Variants in CPAMD8 observed in about 807,000 individuals in gnomAD.
CPAMD8 encodes C3 and PZP-like alpha-2-macroglobulin domain-containing protein 8.
CPAMD8 carries 146 observed loss-of-function variants against 224.7 expected under a neutral mutation model. The ratio of observed to expected loss-of-function variants is 0.65; its 90% CI spans 0.57 to 0.75. The LOEUF (loss-of-function observed/expected upper bound fraction) is 0.75, where lower values mean the gene tolerates loss of function less well. Ranked by LOEUF, CPAMD8 falls within the 30% of genes least tolerant of loss-of-function variation. The pLI, the probability that CPAMD8 is intolerant of heterozygous loss-of-function variation, is 0.00. For synonymous variants in CPAMD8, 966 were observed against 1,044.6 expected (o/e 0.92, Z 1.45); for missense variants, 2,301 against 2,537.5 (o/e 0.91, Z 2.00).
chr19:17,002,877 CTT>C (rs2056373351), intron 8 of CPAMD8, among the ~76,000 whole-genome samples: 1 of 150,756 alleles, frequency 6.6e-6, no homozygotes, highest in Non-Finnish European at 1.5e-5. Context: ...GCCTAAGAAT[CTT>C]TTCGTTCTTT....
At chr19:16,941,201 G>C (rs1333524810) in intron 22 of CPAMD8, among the ~76,000 whole-genome samples, 9 of 152,166 alleles carry the variant, frequency 5.9e-5, no homozygotes, top group Non-Finnish European at 1.3e-4. Context: ...CCAAAGTGCT[G>C]GGATTACAGG....
chr19:16,941,844 G>T (rs1332776115), intron 22 of CPAMD8, among the ~76,000 whole-genome samples: 1 of 152,058 alleles, frequency 6.6e-6, no homozygotes, highest in African/African-American at 2.4e-5. Context: ...ATGGTGGCAG[G>T]TGCCTGCAAT....
At position 16,926,954 on chromosome 19, in the gene CPAMD8, C is replaced by T. The variant is rs138834332; in HGVS notation, c.3370+1055G>A. On this transcript the variant is annotated intron_variant, in intron 25 of 41. Transcript: ENST00000443236. ...GCCTGAGTCCCAGGGCCTCCACCCTCTGATGTCAGAGAGAGCCTCGACACC... is the reference window on the plus strand; with the variant it reads ...GCCTGAGTCCCAGGGCCTCCACCCTTTGATGTCAGAGAGAGCCTCGACACC... 2.7e-3 allele frequency among the ~76,000 whole-genome samples: 415 copies of T among 152,262 alleles called. 2 individuals carry two copies. The highest frequency in any genetic ancestry group is 9.7e-3 in the African/African-American group (405 of 41,542).
chr19:17,004,357 C>G lies in CPAMD8; in HGVS notation c.589G>C (p.Asp197His), dbSNP rs199737515. 2.8e-5 allele frequency: 45 copies of G among 1,613,194 alleles called. No homozygotes were observed. Among genetic ancestry groups the G allele is most frequent in the Non-Finnish European group, 4.2e-6 (5 of 1,179,382 alleles). Residue 197 changes from aspartate (D) to histidine (H), a missense_variant, in exon 8 of 42, where the codon GAC becomes CAC. By Grantham distance (81) the Asp-to-His change is moderately conservative. Around this residue, in one of 4 missense-constraint regions of CPAMD8, gnomAD observed 283 missense variants for 340.6 expected, o/e 0.83. Coordinates refer to ENST00000443236, the MANE Select transcript of CPAMD8 (RefSeq NM_015692.5). ...AACCATTCTCCCAACACAGGCTGGT[C>G]GGACAAGGGGAAGCTCATGTTGGTG... The part of the protein sequence containing the change: ...GITNMSFPLS[D>H]QPVLGEWFIF...
At chr19:16,946,170 GTAT>G (rs940702001) in intron 21 of CPAMD8, among the ~76,000 whole-genome samples, 1 of 122,402 alleles carries the variant, frequency 8.2e-6, no homozygotes, top group Non-Finnish European at 1.6e-5. Context: ...ATGTGTGTGT[GTAT>G]GATTTGTGTG....
Position 16,955,389 on chromosome 19 carries a change from G to A in CPAMD8, c.2276+2464C>T, listed in dbSNP as rs185315922. Among the ~76,000 whole-genome samples, 29 of 152,032 alleles carry A rather than the reference G, an allele frequency of 1.9e-4. No homozygotes were observed. The East Asian group carries it at 4.8e-3, about 25-fold the overall frequency. ...TGTTGAAATAAGCCAGTCACAAAACGACAAATACTACATGATTCCACTTAC... is the reference window on the plus strand; with the variant it reads ...TGTTGAAATAAGCCAGTCACAAAACAACAAATACTACATGATTCCACTTAC... On this transcript the variant is annotated intron_variant, in intron 19 of 41. Transcript: ENST00000443236.
At chr19:16,926,346 T>A (rs2053359791) in intron 25 of CPAMD8, among the ~76,000 whole-genome samples, 1 of 152,100 alleles carries the variant, frequency 6.6e-6, no homozygotes, top group South Asian at 2.1e-4. Flanking sequence ...TTAGATGGAA[T>A]CTCACTCTGT....
intron 8 of CPAMD8, among the ~76,000 whole-genome samples, chr19:17,003,193 A>G (rs7250637): frequency 0.33 from 49,398 of 150,318 alleles, 8,356 homozygotes; most frequent in African/African-American, 0.42. Context: ...GTTAGCTGCC[A>G]TGCCTGGCCA....
chr19:16,896,308 G>A lies in CPAMD8; in HGVS notation c.5294C>T (p.Ser1765Leu). 5.0e-6 allele frequency: 8 copies of A among 1,608,436 alleles called. No individual in the cohort carries two copies. Among genetic ancestry groups the A allele is most frequent in the Non-Finnish European group, 6.8e-6 (8 of 1,177,890 alleles). ...GTCATCCCCGTAGGTGGAGGACGAC[G>A]AGGCCGGCAGCCGCTGCTCTGGAAG... The part of the protein sequence containing the change: ...CCALEQRLPA[S>L]SSSTYGDDLA... The change falls in exon 41 of 42, where the codon TCG becomes TTG. Residue 1765 changes from serine to leucine, a missense_variant. Ser to Leu is a moderately radical substitution (Grantham distance 145, BLOSUM62 -2). This residue lies in a region of CPAMD8 where 1,709 missense variants were observed against 1,753.2 expected (regional missense o/e 0.97). Coordinates refer to ENST00000443236, the MANE Select transcript of CPAMD8 (RefSeq NM_015692.5).
At chr19:16,984,331 AGAGAG>A (rs1362888343) in intron 13 of CPAMD8, among the ~76,000 whole-genome samples, 3,702 of 106,698 alleles carry the variant, frequency 0.035, 111 homozygotes, top group African/African-American at 0.093. Context: ...AAAAAAAAAA[AGAGAG>A]AGAGAGAGAG....
intron 29 of CPAMD8, among the ~76,000 whole-genome samples, chr19:16,912,606 G>A (rs534469936): frequency 2.8e-4 from 42 of 152,224 alleles, no homozygotes; most frequent in South Asian, 1.9e-3. Flanking sequence ...AAAATTAGCC[G>A]GATGCAGTGG....
intron 25 of CPAMD8, among the ~76,000 whole-genome samples, chr19:16,926,090 T>G (rs916819985): frequency 6.6e-6 from 1 of 151,998 alleles, no homozygotes; most frequent in Admixed American, 6.6e-5. Flanking sequence ...ATATTCAGAT[T>G]TTCTCTTTAA....
intron 32 of CPAMD8, 77 bp from the exon 33 acceptor site, chr19:16,903,934 C>T: frequency 6.9e-7 from 1 of 1,454,592 alleles, no homozygotes; most frequent in African/African-American, 1.4e-5. Context: ...GTCTTGGAAG[C>T]CTAGCCTAAA....
intron 21 of CPAMD8, 32 bp downstream of exon 21, chr19:16,947,042 G>C: frequency 6.4e-7 from 1 of 1,560,752 alleles, no homozygotes; most frequent in Non-Finnish European, 8.7e-7. Context: ...GCCTGGAGAG[G>C]GGGGACACCC....
At chr19:16,913,066 C>T (rs2052789651) in intron 29 of CPAMD8, among the ~76,000 whole-genome samples, 1 of 152,168 alleles carries the variant, frequency 6.6e-6, no homozygotes, top group Admixed American at 6.5e-5. Context: ...CTCCCAAAAC[C>T]CTTTCTCAGT....
At position 17,000,462 on chromosome 19, in the gene CPAMD8, T is replaced by C. The variant is rs61740405; in HGVS notation, c.819A>G (p.Val273=). The part of the protein sequence containing the change: ...ALMINMTVNG[V]GYYSHEVGRP... Reference sequence around the variant, plus strand: ...GTCCCACCTCGTGGCTGTAGTACCCTACACCATTAACAGTCATGTTGATCA... The same window carrying C: ...GTCCCACCTCGTGGCTGTAGTACCCCACACCATTAACAGTCATGTTGATCA... Residue 273 remains valine (V), a synonymous_variant, in exon 10 of 42, where the codon GTA becomes GTG. Coordinates refer to ENST00000443236, the MANE Select transcript of CPAMD8 (RefSeq NM_015692.5). 23,968 of 1,547,842 alleles carry C rather than the reference T, an allele frequency of 0.015. 264 individuals carry two copies. Among genetic ancestry groups the C allele is most frequent in the Non-Finnish European group, 0.018 (20,266 of 1,119,090 alleles).
intron 5 of CPAMD8, 132 bp from the exon 6 acceptor site, chr19:17,009,452 A>G: frequency 6.8e-7 from 1 of 1,480,016 alleles, no homozygotes; most frequent in Non-Finnish European, 9.2e-7. Flanking sequence ...CCCCTAGATT[A>G]CATCCGTTGA....
At chr19:16,897,429 C>A in intron 39 of CPAMD8, 1 of 513,318 alleles carries the variant, frequency 1.9e-6, no homozygotes, top group Non-Finnish European at 3.4e-6. Flanking sequence ...CTCGGCCCTG[C>A]CCCCAGTATA....
intron 29 of CPAMD8, chr19:16,907,333 A>G (rs1271092802): frequency 3.1e-6 from 1 of 324,570 alleles, no homozygotes; most frequent in Non-Finnish European, 4.6e-6. Flanking sequence ...TTTTTTTGGT[A>G]ATAGGCTGGG....
Sources: gnomAD v4.1 joint callset for allele counts (sites outside exome capture counted in the v4.1 genomes callset) on GRCh38, gnomAD v4.1.1 for gene constraint, gnomAD v4.1.1 regional missense constraint, MANE v1.5 for transcripts, NCBI Gene and HGNC (gene_info 2026-07-23, HGNC 2026-07-21) for gene names.